PPM1M: variants seen among roughly 807,000 people sequenced by gnomAD.
The protein encoded by PPM1M is protein phosphatase 1M.
In PPM1M, 44 loss-of-function variants were observed where a neutral mutation model predicts 50.8. The ratio of observed to expected loss-of-function variants is 0.87; its 90% CI spans 0.68 to 1.11. PPM1M has a LOEUF of 1.11. Ranked by LOEUF, PPM1M falls within the 50% of genes most tolerant of loss-of-function variation. The pLI, the probability that PPM1M is intolerant of heterozygous loss-of-function variation, is 0.00. For synonymous variants in PPM1M, 224 were observed against 242.9 expected, an observed-to-expected ratio of 0.92 and a Z score of 0.72; for missense variants, 556 against 593.4, an observed-to-expected ratio of 0.94 and a Z score of 0.66.
rs1699849311 is a variant in PPM1M at position 52,245,985 on chromosome 3, A to G, written c.161A>G (p.Asp54Gly). Residue 54 changes from aspartate to glycine, a missense_variant, in exon 1 of 10, where the codon GAC becomes GGC. Coordinates refer to ENST00000323588, the MANE Select transcript of PPM1M (RefSeq NM_144641.4). The surrounding 1 kb of genome is among the most constrained non-coding windows in gnomAD (Gnocchi z 4.8). ...PGAADASRRP[D>G]SRPVRSPARG... ...GCGGCCGACGCCTCGCGCCGCCCAG[A>G]CTCCCGGCCCGTGCGCAGCCCCGCA... 3 of 1,243,736 alleles carry G rather than the reference A, an allele frequency of 2.4e-6. No individual in the cohort carries two copies. Among genetic ancestry groups the G allele is most frequent in the South Asian group, 1.3e-5 (1 of 75,614 alleles). 77.0% of individuals were successfully genotyped at this position (1,243,736 alleles called of 1,614,324 possible).
In PPM1M at chr3:52,249,826, CTG is replaced by C. The variant is rs58588566; in HGVS notation, c.*14_*15del. ...GCAGTGACCACTGAGGATTCAGACA[CTG>C]TATCCCAGAACTGCTCTAGTGCCCG... On this transcript the variant is annotated 3_prime_UTR_variant, in exon 10 of 10. Coordinates refer to ENST00000323588, the MANE Select transcript of PPM1M (RefSeq NM_144641.4). 1.1e-3 allele frequency: 1,805 copies of C among 1,609,566 alleles called. 18 individuals carry two copies. The African/African-American group carries it at 0.021, about 19-fold the overall frequency.
In PPM1M at chr3:52,248,473, A is replaced by G. The variant is rs368712353; in HGVS notation, c.914+20A>G. 1.9e-5 allele frequency: 31 copies of G among 1,605,900 alleles called. 1 individual carries two copies. In the South Asian group the frequency reaches 3.3e-4, roughly 17 times the overall value. ...TGGCTGGTGAGTGGGGATGGGGGAC[A>G]GGTAGGAAGGGAGACCCCTGGGATC... On this transcript the variant is annotated intron_variant, in intron 6 of 9. Transcript: ENST00000323588.
chr3:52,247,126 T>C lies in PPM1M; in HGVS notation c.495T>C (p.Asn165=), dbSNP rs1330050812. The C allele has an allele frequency of 9.3e-6, 15 of 1,609,436 alleles. No homozygotes were observed. The highest frequency in any genetic ancestry group is 1.2e-5 in the Non-Finnish European group (14 of 1,177,986). Residue 165 remains asparagine (N), a synonymous_variant, in exon 3 of 10, where the codon AAT becomes AAC. Coordinates refer to ENST00000323588, the MANE Select transcript of PPM1M (RefSeq NM_144641.4). ...CCACTCAGCCCCCCATGCACCTCAATGGCCGCTGCATCTGCCCCAGTGACC... is the reference window on the plus strand; with the variant it reads ...CCACTCAGCCCCCCATGCACCTCAACGGCCGCTGCATCTGCCCCAGTGACC... The part of the protein sequence containing the change: ...LVATQPPMHL[N]GRCICPSDPQ...
rs1226112889 is a variant in PPM1M, at chr3:52,247,627, A to G, written c.598-55A>G. On this transcript the variant is annotated intron_variant, in intron 3 of 9. Coordinates refer to ENST00000323588, the MANE Select transcript of PPM1M (RefSeq NM_144641.4). Reference sequence around the variant, plus strand: ...TAGGGTAGGGTGGGGATTGAGAGACAAAGTAGTATGGTGGCAGAACAGGCA... The same window carrying G: ...TAGGGTAGGGTGGGGATTGAGAGACGAAGTAGTATGGTGGCAGAACAGGCA... The G allele has an allele frequency of 5.9e-6, 7 of 1,191,040 alleles. No homozygotes were observed. The East Asian group carries it at 1.5e-4, about 26-fold the overall frequency. 73.8% of individuals were successfully genotyped at this position (1,191,040 alleles called of 1,614,324 possible).
At chr3:52,248,780 T>C in intron 7 of PPM1M, 80 bp downstream of exon 7, 2 of 1,473,404 alleles carry the variant, frequency 1.4e-6, no homozygotes, top group Admixed American at 3.4e-5. Flanking sequence ...TGCCTCTTGC[T>C]GGTAGCTGTG....
intron 1 of PPM1M, chr3:52,246,429 G>T: frequency 9.9e-7 from 1 of 1,011,612 alleles, no homozygotes; most frequent in Non-Finnish European, 1.3e-6. Context: ...CGACAGGACA[G>T]GGGCAGGAAT....
intron 4 of PPM1M, 133 bp from the exon 5 acceptor site, chr3:52,248,020 G>A: frequency 1.2e-6 from 1 of 862,742 alleles, no homozygotes; most frequent in Non-Finnish European, 1.9e-6. Context: ...GTCTTAGGTA[G>A]TCATGGAGGG....
At position 52,250,240 on chromosome 3, in the gene PPM1M, C is replaced by T. The variant is rs1699941171; in HGVS notation, c.*426C>T. ...ATTCATGGTTATCAGGGCATGTGTTCAACAACCCCCAAAGTCCACGCAGGT... is the reference window on the plus strand; with the variant it reads ...ATTCATGGTTATCAGGGCATGTGTTTAACAACCCCCAAAGTCCACGCAGGT... On this transcript the variant is annotated 3_prime_UTR_variant, in exon 10 of 10. Transcript: ENST00000323588. 3 of 177,780 alleles carry T rather than the reference C, an allele frequency of 1.7e-5. No homozygotes were observed. In the South Asian group the frequency reaches 4.0e-4, roughly 24 times the overall value. 11.0% of individuals were successfully genotyped at this position (177,780 alleles called of 1,614,324 possible).
chr3:52,246,895 C>T, intron 2 of PPM1M, 79 bp from the exon 3 acceptor site: 1 of 1,513,706 alleles, frequency 6.6e-7, no homozygotes. Context: ...TACCCTGCTG[C>T]CCCAGGTCCT....
At chr3:52,246,937 G>C in intron 2 of PPM1M, 37 bp from the exon 3 acceptor site, 1 of 1,525,104 alleles carries the variant, frequency 6.6e-7, no homozygotes, top group South Asian at 1.2e-5. Flanking sequence ...AAGTGGGGAA[G>C]TCAGGCAGAG....
chr3:52,246,759 C>T lies in PPM1M; in HGVS notation c.289C>T (p.Arg97Trp), dbSNP rs1261201070. Reference protein sequence around the residue: ...DQAACGKLCIRRCEFGAEEEW... With the variant: ...DQAACGKLCIWRCEFGAEEEW... ...AGCCGCCTGTGGGAAGCTGTGCATC[C>T]GGAGATGTGAGTTTGGGGCTGAAGA... The change falls in exon 2 of 10, where the codon CGG becomes TGG. Residue 97 changes from arginine to tryptophan, a missense_variant. Transcript: ENST00000323588. The T allele has an allele frequency of 3.7e-6, 5 of 1,340,048 alleles. No individual in the cohort carries two copies. The highest frequency in any genetic ancestry group is 2.0e-4 in the Middle Eastern group (1 of 4,926). The allele number at this position is 1,340,048 out of a possible 1,614,324, so 83.0% of individuals were successfully genotyped here. A position where few individuals can be genotyped will look rare whatever the true frequency, so the allele number is the denominator to read the frequency against.
At chr3:52,246,288 G>T (rs1200065769) in intron 1 of PPM1M, 3 of 1,032,654 alleles carry the variant, frequency 2.9e-6, no homozygotes, top group African/African-American at 1.7e-5. Context: ...CAGCCCAGGG[G>T]CTTCCAAGAT....
In PPM1M at chr3:52,249,558, G is replaced by A. The variant is rs529422377; in HGVS notation, c.1236-112G>A. 7.6e-3 allele frequency: 11,236 copies of A among 1,481,424 alleles called. 47 individuals carry two copies. The highest frequency in any genetic ancestry group is 0.011 in the Middle Eastern group (52 of 4,574). The allele number at this position is 1,481,424 out of a possible 1,614,324, so 91.8% of individuals were successfully genotyped here. On this transcript the variant is annotated intron_variant, in intron 9 of 9. Coordinates refer to ENST00000323588, the MANE Select transcript of PPM1M (RefSeq NM_144641.4). ...CTTGCTGCTTGCTTGGTCCACAGTC[G>A]GACTGCATTGCTTGGGTCCCCATGT... is the stretch of plus-strand genomic sequence containing the variant.
chr3:52,245,873 C>T lies in PPM1M; in HGVS notation c.49C>T (p.Pro17Ser). 1 of 1,097,952 alleles carries T rather than the reference C, an allele frequency of 9.1e-7. No individual in the cohort carries two copies. The highest frequency in any genetic ancestry group is 1.1e-6 in the Non-Finnish European group (1 of 891,140). 68.0% of individuals were successfully genotyped at this position (1,097,952 alleles called of 1,614,324 possible). A position where few individuals can be genotyped will look rare whatever the true frequency, so the allele number is the denominator to read the frequency against. The part of the protein sequence containing the change: ...RRRFLPGEPL[P>S]APRPPGPHAS... The stretch of plus-strand genomic sequence containing the variant: ...CCGCTTCCTGCCTGGGGAGCCGCTC[C>T]CCGCGCCGCGGCCGCCTGGGCCGCA... Residue 17 changes from proline (P) to serine (S), a missense_variant, in exon 1 of 10, where the codon CCC (proline) becomes TCC (serine). Coordinates refer to ENST00000323588, the MANE Select transcript of PPM1M (RefSeq NM_144641.4). This position sits in a 1 kb window ranked among gnomAD's most constrained non-coding sequence, Gnocchi z 4.8.
rs577865319 is a variant in PPM1M at position 52,249,742 on chromosome 3, G to A, written c.1308G>A (p.Gln436=). 6.2e-7 allele frequency: 1 copy of A among 1,613,938 alleles called. No individual in the cohort carries two copies. The highest frequency in any genetic ancestry group is 1.3e-5 in the African/African-American group (1 of 75,058). Residue 436 remains glutamine (Q), a synonymous_variant, in exon 10 of 10, where the codon CAG becomes CAA. Transcript: ENST00000323588. ...AAGACAGTCTCACAGAGGAAGGGCA[G>A]GTGTCCTACGATGACGTCTCTGTGT... The part of the protein sequence containing the change: ...GKEDSLTEEG[Q]VSYDDVSVFV...
chr3:52,248,827 TTCTC>T (rs970334497), intron 7 of PPM1M, 125 bp from the exon 8 acceptor site: 9 of 1,311,812 alleles, frequency 6.9e-6, no homozygotes, highest in South Asian at 2.5e-5. Context: ...ACTAGGAATT[TTCTC>T]TCTCAGTCCA....
Position 52,248,331 on chromosome 3 carries a change from C to T in PPM1M, c.796-4C>T. On this transcript the variant is annotated splice_polypyrimidine_tract_variant and splice_region_variant and intron_variant, in intron 5 of 9. Coordinates refer to ENST00000323588, the MANE Select transcript of PPM1M (RefSeq NM_144641.4). ...ATGACCTGAGCGCAGCCTCCCCACC[C>T]CAGGCCTTTGTCTATCCTGAGCTTC... 5.6e-6 allele frequency: 9 copies of T among 1,610,496 alleles called. No homozygotes were observed. The highest frequency in any genetic ancestry group is 1.3e-5 in the African/African-American group (1 of 74,988).
intron 1 of PPM1M, chr3:52,246,384 A>G: frequency 9.4e-7 from 1 of 1,061,536 alleles, no homozygotes; most frequent in South Asian, 2.5e-5. Context: ...CACCCTGGGT[A>G]TGACCTGCGC....
Position 52,247,691 on chromosome 3 carries a change from A to G in PPM1M, c.607A>G (p.Ile203Val), listed in dbSNP as rs748957524. Residue 203 changes from isoleucine (I) to valine (V), a missense_variant, in exon 4 of 10, where the codon ATC becomes GTC. Ile to Val is a conservative substitution (Grantham distance 29, BLOSUM62 3). Transcript: ENST00000323588. ...CCTCGGTTTTCCCCAGGATGAGGTG[A>G]TCGGGCGGGAGCTGGAGGCCTCAGG... is the stretch of plus-strand genomic sequence containing the variant. Reference protein sequence around the residue: ...ESAFQECDEVIGRELEASGQM... With the variant: ...ESAFQECDEVVGRELEASGQM... 6.3e-7 allele frequency: 1 copy of G among 1,599,032 alleles called. No individual in the cohort carries two copies. Among genetic ancestry groups the G allele is most frequent in the Non-Finnish European group, 8.5e-7 (1 of 1,172,620 alleles).
Sources: allele counts gnomAD v4.1 joint callset, GRCh38; gene constraint gnomAD v4.1.1; non-coding constraint Gnocchi (gnomAD v3.1); transcripts MANE v1.5; gene names NCBI Gene and HGNC (gene_info 2026-07-23, HGNC 2026-07-21).